CEP89: variants seen among roughly 807,000 people sequenced by gnomAD.
The protein encoded by CEP89 is centrosomal protein of 89 kDa.
CEP89 carries 95 observed loss-of-function variants against 97.6 expected under a neutral mutation model. The observed-to-expected ratio is 0.97, with a 90% CI of 0.82 to 1.15. The LOEUF is 1.15. CEP89 is among the 50% of genes most tolerant of loss of function. The probability of loss-of-function intolerance (pLI) is 0.00; values close to 1 mark genes in which losing one functional copy is unlikely to be tolerated. For missense variants in CEP89, 869 were observed against 947.7 expected, an observed-to-expected ratio of 0.92 and a Z score of 1.09; for synonymous variants, 354 against 349.1, an observed-to-expected ratio of 1.01 and a Z score of -0.16.
In CEP89 at chr19:32,877,655, C is replaced by T. The variant is rs73041755; in HGVS notation, c.*1507G>A. ...ATCAATTACCTTCCCAGACCAGGCG[C>T]GGTGGCTCATACCTATAATCCCAAC... On this transcript the variant is annotated 3_prime_UTR_variant, in exon 19 of 19. Coordinates refer to ENST00000305768, the MANE Select transcript of CEP89 (RefSeq NM_032816.5). 0.15 allele frequency: 22,220 copies of T among 151,920 alleles called. 1,993 individuals are homozygous for T. The highest frequency in any genetic ancestry group is 0.21 in the Non-Finnish European group (14,377 of 68,008). The allele number at this position is 151,920 out of a possible 1,614,324, so 9.4% of individuals were successfully genotyped here. A position where few individuals can be genotyped will look rare whatever the true frequency, so the allele number is the denominator to read the frequency against.
intron 5 of CEP89, 66 bp from the exon 6 acceptor site, chr19:32,939,951 G>A: frequency 1.3e-6 from 1 of 770,820 alleles, no homozygotes; most frequent in Non-Finnish European, 2.2e-6. Flanking sequence ...AACTCAGAAA[G>A]TACAATCATA....
intron 9 of CEP89, among the ~76,000 whole-genome samples, 182 bp from the exon 10 acceptor site, chr19:32,927,166 A>G (rs1203438331): frequency 6.7e-6 from 1 of 149,510 alleles, no homozygotes; most frequent in African/African-American, 2.5e-5. Flanking sequence ...CCATCCATCT[A>G]TCCATCCATC....
chr19:32,895,237 C>CAAAA (rs1377599030), intron 16 of CEP89, among the ~76,000 whole-genome samples: 1 of 152,090 alleles, frequency 6.6e-6, no homozygotes, highest in African/African-American at 2.4e-5. Flanking sequence ...AAAATACTAG[C>CAAAA]AAACCAAATT....
intron 1 of CEP89, among the ~76,000 whole-genome samples, chr19:32,966,771 C>T (rs1030010499): frequency 6.6e-6 from 1 of 152,202 alleles, no homozygotes; most frequent in Admixed American, 6.5e-5. Flanking sequence ...GCACTCCCCC[C>T]AGTGATGTCT....
intron 16 of CEP89, among the ~76,000 whole-genome samples, chr19:32,893,663 A>G (rs578219427): frequency 6.6e-6 from 1 of 152,356 alleles, no homozygotes; most frequent in Non-Finnish European, 1.5e-5. Context: ...TACTGACATC[A>G]TGTCAAGTAT....
At chr19:32,892,661 T>G (rs1163362657) in intron 16 of CEP89, among the ~76,000 whole-genome samples, 1 of 140,892 alleles carries the variant, frequency 7.1e-6, no homozygotes, top group African/African-American at 2.7e-5. Flanking sequence ...AGACGATATA[T>G]TCAAAGGGCT....
chr19:32,926,913 A>C (rs769479341), intron 10 of CEP89, 21 bp downstream of exon 10: 2 of 1,609,152 alleles, frequency 1.2e-6, no homozygotes, highest in Non-Finnish European at 1.7e-6. Context: ...ATGGGCCTGA[A>C]ATTAAATAAC....
At chr19:32,971,551 G>A in intron 1 of CEP89, 3 of 575,504 alleles carry the variant, frequency 5.2e-6, no homozygotes, top group Non-Finnish European at 9.3e-6. Flanking sequence ...CAGCTCCTCG[G>A]GAGGCTGGGG....
intron 14 of CEP89, among the ~76,000 whole-genome samples, chr19:32,910,307 G>T (rs995645454): frequency 3.6e-4 from 55 of 151,124 alleles, no homozygotes; most frequent in Middle Eastern, 3.4e-3. Flanking sequence ...GAGAGGGAGG[G>T]AGGGAGGGAG....
chr19:32,904,322 G>A lies in CEP89; in HGVS notation c.1566-2910C>T, dbSNP rs920423924. 6.6e-5 allele frequency among the ~76,000 whole-genome samples: 10 copies of A among 152,094 alleles called. 1 individual carries two copies. The highest frequency in any genetic ancestry group is 4.8e-5 in the African/African-American group (2 of 41,402). On this transcript the variant is annotated intron_variant, in intron 14 of 18. Transcript: ENST00000305768. ...GTGACAGCAGATTTTCATCATAAAC[G>A]ACGCAAGCCAAAAGACTATCAACAG...
chr19:32,892,077 A>C (rs1231681118), intron 16 of CEP89, among the ~76,000 whole-genome samples: 1 of 147,650 alleles, frequency 6.8e-6, no homozygotes, highest in African/African-American at 2.5e-5. Context: ...TCAGAAGTCA[A>C]ATACAGAATT....
intron 14 of CEP89, 24 bp from the exon 15 acceptor site, chr19:32,901,436 C>T (rs575487856): frequency 1.2e-6 from 2 of 1,605,572 alleles, no homozygotes; most frequent in South Asian, 1.1e-5. Flanking sequence ...ACATTACATG[C>T]TCGTATCCAG....
At chr19:32,922,142 G>T (rs943783462) in intron 12 of CEP89, among the ~76,000 whole-genome samples, 1 of 152,164 alleles carries the variant, frequency 6.6e-6, no homozygotes, top group African/African-American at 2.4e-5. Flanking sequence ...TGCCCCTGAG[G>T]AGTTCACAAA....
intron 14 of CEP89, among the ~76,000 whole-genome samples, chr19:32,905,178 T>A (rs141491331): frequency 1.3e-5 from 2 of 152,220 alleles, no homozygotes; most frequent in African/African-American, 2.4e-5. Flanking sequence ...CCAATCTCAA[T>A]AGGAAAGCTT....
At chr19:32,914,327 T>C (rs1970074614) in intron 14 of CEP89, among the ~76,000 whole-genome samples, 1 of 152,172 alleles carries the variant, frequency 6.6e-6, no homozygotes, top group Non-Finnish European at 1.5e-5. Context: ...GGTCTTACTC[T>C]GTTGCCCAGG....
Position 32,966,448 on chromosome 19 carries a change from G to A in CEP89, c.58C>T (p.Leu20Phe), listed in dbSNP as rs777039376. 5.8e-6 allele frequency: 9 copies of A among 1,550,750 alleles called. No homozygotes were observed. Among genetic ancestry groups the A allele is most frequent in the Middle Eastern group, 1.7e-4 (1 of 5,844 alleles). The change falls in exon 2 of 19, where the codon CTT (leucine) becomes TTT (phenylalanine). Residue 20 changes from leucine to phenylalanine, a missense_variant. Physicochemically the swap from Leu to Phe is conservative, Grantham distance 22. Coordinates refer to ENST00000305768, the MANE Select transcript of CEP89 (RefSeq NM_032816.5). ...GGAGCAACGCTGGCTGCAGGTAAAA[G>A]GCCATGGATGATGTGTTTCTGCACA... ...RSHFKHIIHG[L>F]LPAASVAPKA... is the part of the protein sequence containing the mutation.
chr19:32,961,578 CAA>C (rs1193124918), intron 2 of CEP89, among the ~76,000 whole-genome samples: 4 of 62,300 alleles, frequency 6.4e-5, no homozygotes, highest in Non-Finnish European at 6.1e-5. Context: ...GACTCCATCT[CAA>C]AAAAAAAAAA....
rs911107469 is a variant in CEP89, at chr19:32,936,711, C to T, written c.667+920G>A. Among the ~76,000 whole-genome samples, 1 of 152,076 alleles carries T rather than the reference C, an allele frequency of 6.6e-6. No homozygotes were observed. Among genetic ancestry groups the T allele is most frequent in the African/African-American group, 2.4e-5 (1 of 41,410 alleles). ...GCTGGAGATGTCAGAGGACCAGCAGCAGAGAGGAGCAACCCACTCCAGGGC... is the reference window on the plus strand; with the variant it reads ...GCTGGAGATGTCAGAGGACCAGCAGTAGAGAGGAGCAACCCACTCCAGGGC... On this transcript the variant is annotated intron_variant, in intron 7 of 18. Coordinates refer to ENST00000305768, the MANE Select transcript of CEP89 (RefSeq NM_032816.5). This position sits in a 1 kb window ranked among gnomAD's most constrained non-coding sequence, Gnocchi z 4.5.
At chr19:32,939,722 C>T (rs77200449) in intron 6 of CEP89, 135 bp downstream of exon 6, 5,362 of 485,752 alleles carry the variant, frequency 0.011, 264 homozygotes, top group African/African-American at 0.1. Flanking sequence ...CAGGAAAGAA[C>T]TCTTAAGGGA....
Sources: allele counts gnomAD v4.1 joint callset (sites outside exome capture counted in the v4.1 genomes callset), GRCh38; gene constraint gnomAD v4.1.1; non-coding constraint Gnocchi (gnomAD v3.1); transcripts MANE v1.5; gene names NCBI Gene and HGNC (gene_info 2026-07-23, HGNC 2026-07-21).